Variants in RASSF8 observed in about 807,000 individuals in gnomAD.
The protein encoded by RASSF8 is Ras association domain family member 8.
RASSF8 carries 22 observed loss-of-function variants against 48.5 expected under a neutral mutation model. The ratio of observed to expected loss-of-function variants is 0.45; its 90% CI spans 0.32 to 0.65. The LOEUF is 0.65. Among genes scored for constraint, RASSF8 ranks in the 30% least tolerant of loss-of-function variants. The pLI, the probability that RASSF8 is intolerant of heterozygous loss-of-function variation, is 0.03. For synonymous variants in RASSF8, 127 were observed against 171.5 expected, an observed-to-expected ratio of 0.74 and a Z score of 2.03; for missense variants, 418 against 489.2, an observed-to-expected ratio of 0.85 and a Z score of 1.37.
chr12:25,997,729 G>A (rs1199037670), intron 2 of RASSF8, among the ~76,000 whole-genome samples: 2 of 152,132 alleles, frequency 1.3e-5, no homozygotes, highest in South Asian at 2.1e-4. Context: ...GCATCAAGAC[G>A]CATACTTGGA....
At chr12:26,051,773 G>A (rs1943495997) in intron 2 of RASSF8, among the ~76,000 whole-genome samples, 3 of 152,094 alleles carry the variant, frequency 2.0e-5, no homozygotes, top group Admixed American at 2.0e-4. Flanking sequence ...ATCTGGAGGT[G>A]GGCTTTGAAT....
At chr12:26,027,889 A>AC (rs1358918765) in intron 2 of RASSF8, among the ~76,000 whole-genome samples, 1 of 152,176 alleles carries the variant, frequency 6.6e-6, no homozygotes, top group Non-Finnish European at 1.5e-5. Context: ...GAGGGGAATG[A>AC]CCAGATGGGT....
exon 6 of RASSF8, chr12:26,079,083 CA>C: frequency 6.5e-7 from 1 of 1,538,102 alleles, no homozygotes. Flanking sequence ...GATATCACAC[CA>C]AAAGCTCAGG....
chr12:25,978,396 A>G (rs1205362564), intron 1 of RASSF8, among the ~76,000 whole-genome samples: 3 of 152,206 alleles, frequency 2.0e-5, no homozygotes, highest in East Asian at 1.9e-4. Flanking sequence ...CCTCATTCCT[A>G]TCTTTATTAA....
intron 2 of RASSF8, among the ~76,000 whole-genome samples, chr12:25,999,611 C>T (rs758173639): frequency 2.0e-5 from 3 of 152,080 alleles, no homozygotes; most frequent in Non-Finnish European, 4.4e-5. Flanking sequence ...ACCTGTAGTT[C>T]CAGCTACTCC....
rs1943266111 is a variant in RASSF8 at position 26,041,592 on chromosome 12, G to C, written c.-108-13644G>C. 2.0e-5 allele frequency among the ~76,000 whole-genome samples: 3 copies of C among 151,902 alleles called. No individual in the cohort carries two copies. In the South Asian group the frequency reaches 6.2e-4, roughly 32 times the overall value. Reference sequence around the variant, plus strand: ...AAGTGATACCTAAAGAAGCAGAGTGGGGGGGTGTACACACCCATATATATC... The same window carrying C: ...AAGTGATACCTAAAGAAGCAGAGTGCGGGGGTGTACACACCCATATATATC... On this transcript the variant is annotated intron_variant, in intron 2 of 5. Coordinates refer to ENST00000689635, the MANE Select transcript of RASSF8 (RefSeq NM_001394098.1).
intron 2 of RASSF8, among the ~76,000 whole-genome samples, chr12:26,053,481 G>A (rs1322392178): frequency 6.6e-6 from 1 of 152,096 alleles, no homozygotes; most frequent in African/African-American, 2.4e-5. Context: ...GAACTTTTCT[G>A]TTTTCTTAAA....
intron 1 of RASSF8, among the ~76,000 whole-genome samples, chr12:25,978,870 T>C (rs921101779): frequency 6.6e-6 from 1 of 152,100 alleles, no homozygotes; most frequent in Non-Finnish European, 1.5e-5. Flanking sequence ...TTCATTATGG[T>C]AATAGGGAAG....
At chr12:26,019,688 A>T in intron 2 of RASSF8, among the ~76,000 whole-genome samples, 1 of 152,056 alleles carries the variant, frequency 6.6e-6, no homozygotes, top group Non-Finnish European at 1.5e-5. Context: ...AAGATTTATC[A>T]CTTTGCAGAA....
At chr12:25,973,596 A>C (rs1941533721) in intron 1 of RASSF8, among the ~76,000 whole-genome samples, 2 of 152,160 alleles carry the variant, frequency 1.3e-5, no homozygotes, top group South Asian at 4.2e-4. Context: ...TATGGTCTGA[A>C]TGTTTGTGTC....
At chr12:25,971,731 T>C (rs773623505) in intron 1 of RASSF8, among the ~76,000 whole-genome samples, 7 of 152,262 alleles carry the variant, frequency 4.6e-5, no homozygotes, top group Non-Finnish European at 1.0e-4. Context: ...GCATTAGTAA[T>C]GTTTGTAAAA....
At chr12:25,982,457 A>G (rs112881701) in intron 1 of RASSF8, among the ~76,000 whole-genome samples, 12 of 152,372 alleles carry the variant, frequency 7.9e-5, no homozygotes, top group African/African-American at 2.9e-4. Flanking sequence ...ATGTGAGACT[A>G]GATACTCTGA....
chr12:25,992,613 A>G (rs939578311), intron 1 of RASSF8, among the ~76,000 whole-genome samples: 3 of 152,108 alleles, frequency 2.0e-5, no homozygotes, highest in African/African-American at 7.2e-5. Context: ...TAAGGCCCGC[A>G]CCTGGGATGC....
chr12:26,074,686 T>C (rs563143269), downstream of RASSF8, among the ~76,000 whole-genome samples: 54 of 152,146 alleles, frequency 3.5e-4, no homozygotes, highest in Non-Finnish European at 6.5e-4. Flanking sequence ...CAGTACAACA[T>C]GTTAAGAACC....
chr12:25,970,900 A>G (rs1364522786), intron 1 of RASSF8, among the ~76,000 whole-genome samples: 4 of 152,222 alleles, frequency 2.6e-5, no homozygotes, highest in African/African-American at 9.6e-5. Flanking sequence ...GCCTGCCAGA[A>G]CACTTGACGG....
chr12:26,037,250 C>T (rs1304851780), intron 2 of RASSF8, among the ~76,000 whole-genome samples: 1 of 152,180 alleles, frequency 6.6e-6, no homozygotes, highest in Non-Finnish European at 1.5e-5. Flanking sequence ...GAAAGCTGAC[C>T]TTCCTTATCA....
chr12:26,004,908 C>CT (rs112944516), intron 2 of RASSF8, among the ~76,000 whole-genome samples: 6,983 of 152,228 alleles, frequency 0.046, 194 homozygotes, highest in Middle Eastern at 0.095. Flanking sequence ...AATCCCAGCA[C>CT]TTTGGGAGGC....
Position 26,055,290 on chromosome 12 carries a change from A to G in RASSF8, c.-54A>G, listed in dbSNP as rs867587248. 5.7e-5 allele frequency: 81 copies of G among 1,426,646 alleles called. No homozygotes were observed. The Middle Eastern group carries it at 5.1e-3, about 90-fold the overall frequency. The allele number at this position is 1,426,646 out of a possible 1,614,324, so 88.4% of individuals were successfully genotyped here. A position where few individuals can be genotyped will look rare whatever the true frequency, so the allele number is the denominator to read the frequency against. On this transcript the variant is annotated 5_prime_UTR_variant, in exon 3 of 6. Transcript: ENST00000689635. ...CCGTGTTCCTGCAGCTAGAGACATG[A>G]CCTAACACCCTGATGACCACTCTCA...
At chr12:26,045,869 G>A (rs1943361798) in intron 2 of RASSF8, among the ~76,000 whole-genome samples, 1 of 152,166 alleles carries the variant, frequency 6.6e-6, no homozygotes, top group South Asian at 2.1e-4. Flanking sequence ...CATTATACCT[G>A]AATGGTGACT....
Sources: allele counts gnomAD v4.1 joint callset (sites outside exome capture counted in the v4.1 genomes callset), GRCh38; gene constraint gnomAD v4.1.1; transcripts MANE v1.5; gene names NCBI Gene and HGNC (gene_info 2026-07-23, HGNC 2026-07-21).